Variants in GSR observed in about 807,000 individuals in gnomAD.
GSR encodes glutathione reductase, mitochondrial.
Under a neutral mutation model 56.5 loss-of-function variants are expected in GSR, and 48 were observed. That is an observed-to-expected ratio of 0.85 (90% CI 0.67 to 1.08). The LOEUF is 1.08. Among genes scored for constraint, GSR ranks in the 50% least tolerant of loss-of-function variants. The pLI is 0.00. For missense variants in GSR, 694 were observed against 703.3 expected (o/e 0.99, Z 0.15); for synonymous variants, 264 against 270.8 (o/e 0.97, Z 0.25).
intron 4 of GSR, chr8:30,704,887 C>T (rs946966545): frequency 5.3e-5 from 8 of 152,006 alleles, no homozygotes; most frequent in African/African-American, 1.4e-4. Context: ...GAGTATGGCT[C>T]GCGTGGCGAT....
At chr8:30,710,714 C>CAAAAAAAAAAAGAAA (rs1804101909) in intron 2 of GSR, among the ~76,000 whole-genome samples, 1 of 51,044 alleles carries the variant, frequency 2.0e-5, no homozygotes, top group African/African-American at 6.6e-5. Context: ...GACTCTGTCT[C>CAAAAAAAAAAAGAAA]AAAAAAAAAA....
At chr8:30,704,839 A>C (rs964364785) in intron 4 of GSR, 2 of 152,194 alleles carry the variant, frequency 1.3e-5, no homozygotes, top group Non-Finnish European at 2.9e-5. Context: ...CCATTCCCTC[A>C]GGTCTTAATG....
intron 10 of GSR, among the ~76,000 whole-genome samples, chr8:30,683,264 T>G (rs1181887618): frequency 6.6e-6 from 1 of 152,182 alleles, no homozygotes; most frequent in African/African-American, 2.4e-5. Context: ...GCAAGAACTT[T>G]CTAAAGGAGC....
At position 30,693,019 on chromosome 8, in the gene GSR, A is replaced by G; in HGVS notation, c.832T>C (p.Cys278Arg). 6.2e-7 allele frequency: 1 copy of G among 1,612,874 alleles called. No individual in the cohort carries two copies. Among genetic ancestry groups the G allele is most frequent in the Non-Finnish European group, 8.5e-7 (1 of 1,179,072 alleles). ...CCAGCGTTCTCCAGCTCCTCCGTGCAGTTGGTGCTGATCATTGAATCAAAA... is the reference window on the plus strand; with the variant it reads ...CCAGCGTTCTCCAGCTCCTCCGTGCGGTTGGTGCTGATCATTGAATCAAAA... ...RSFDSMISTN[C>R]TEELENAGVE... Residue 278 changes from cysteine (C) to arginine (R), a missense_variant, in exon 8 of 13, where the codon TGC (cysteine) becomes CGC (arginine). Physicochemically the swap from Cys to Arg is radical, Grantham distance 180. Transcript: ENST00000221130.
intron 2 of GSR, among the ~76,000 whole-genome samples, chr8:30,711,800 T>C (rs1336986912): frequency 6.6e-6 from 1 of 151,942 alleles, no homozygotes; most frequent in African/African-American, 2.4e-5. Flanking sequence ...GCCACTGTAC[T>C]CTAGCCTGGG....
chr8:30,678,900 A>C lies in GSR; in HGVS notation c.*620T>G, dbSNP rs1802837805. On this transcript the variant is annotated 3_prime_UTR_variant, in exon 13 of 13. Transcript: ENST00000221130. ...CACAGTGGCTCACGCCTGTAATCTC[A>C]GCACCTCAGGAGGCCGAGGTGGGCG... 6.5e-6 allele frequency: 1 copy of C among 153,168 alleles called. No individual in the cohort carries two copies. Among genetic ancestry groups the C allele is most frequent in the Admixed American group, 6.5e-5 (1 of 15,382 alleles). The allele number at this position is 153,168 out of a possible 1,614,324, so 9.5% of individuals were successfully genotyped here.
chr8:30,726,530 G>A (rs1371593751), intron 1 of GSR, among the ~76,000 whole-genome samples: 15 of 152,090 alleles, frequency 9.9e-5, no homozygotes, highest in Non-Finnish European at 1.5e-5. Context: ...AGGCTGAGGC[G>A]GGAAGATCGG....
At chr8:30,681,140 G>T in intron 11 of GSR, 103 bp from the exon 12 acceptor site, 1 of 955,074 alleles carries the variant, frequency 1.0e-6, no homozygotes, top group Non-Finnish European at 1.7e-6. Context: ...ATCAAACCAC[G>T]AGGAAATATC....
Position 30,709,906 on chromosome 8 carries a change from T to TAAAAAAAAAAAAAAAAAAAAAA in GSR, c.334-5_334-4insTTTTTTTTTTTTTTTTTTTTTT. 1.0e-6 allele frequency: 1 copy of TAAAAAAAAAAAAAAAAAAAAAA among 999,714 alleles called. No individual in the cohort carries two copies. Among genetic ancestry groups the TAAAAAAAAAAAAAAAAAAAAAA allele is most frequent in the Non-Finnish European group, 1.4e-6 (1 of 708,876 alleles). 61.9% of individuals were successfully genotyped at this position (999,714 alleles called of 1,614,324 possible). A position where few individuals can be genotyped will look rare whatever the true frequency, so the allele number is the denominator to read the frequency against. Reference sequence around the variant, plus strand: ...GGACAGCTGTGTTCCACATTACCTGTAAAAAAAAAAAAAAAAAAGGATCCA... The same window carrying TAAAAAAAAAAAAAAAAAAAAAA: ...GGACAGCTGTGTTCCACATTACCTGTAAAAAAAAAAAAAAAAAAAAAAAAAAAAAAAAAAAAAAAAGGATCCA... On this transcript the variant is annotated splice_region_variant and splice_polypyrimidine_tract_variant and intron_variant, in intron 2 of 12. Transcript: ENST00000221130.
At chr8:30,700,015 C>T (rs1403530150) in intron 6 of GSR, 66 bp downstream of exon 6, 12 of 1,151,026 alleles carry the variant, frequency 1.0e-5, no homozygotes, top group Admixed American at 6.7e-5. Context: ...GAGGAGAAGA[C>T]GAAGAAAAGT....
intron 11 of GSR, among the ~76,000 whole-genome samples, 174 bp downstream of exon 11, chr8:30,681,756 A>G (rs1184803109): frequency 7.9e-5 from 12 of 152,172 alleles, no homozygotes; most frequent in Admixed American, 6.6e-4. Flanking sequence ...AAGATACTGT[A>G]CACTCAAAGT....
At chr8:30,690,115 A>C (rs1357052506) in intron 8 of GSR, among the ~76,000 whole-genome samples, 1 of 143,894 alleles carries the variant, frequency 6.9e-6, no homozygotes, top group Non-Finnish European at 1.5e-5. Context: ...TACATATATA[A>C]ATCTATTTAT....
At chr8:30,704,303 C>T (rs979908246) in intron 4 of GSR, among the ~76,000 whole-genome samples, 2 of 151,892 alleles carry the variant, frequency 1.3e-5, no homozygotes, top group African/African-American at 2.4e-5. Flanking sequence ...CCATCCTGGG[C>T]GACAGAGACA....
intron 7 of GSR, among the ~76,000 whole-genome samples, chr8:30,693,861 G>GA (rs1159044944): frequency 6.6e-6 from 1 of 152,012 alleles, no homozygotes; most frequent in Non-Finnish European, 1.5e-5. Context: ...TTAACACTGG[G>GA]AAAAAAAGGG....
At chr8:30,700,013 G>C in intron 6 of GSR, 68 bp downstream of exon 6, 1 of 1,110,672 alleles carries the variant, frequency 9.0e-7, no homozygotes, top group African/African-American at 1.5e-5. Context: ...GGGAGGAGAA[G>C]ACGAAGAAAA....
chr8:30,705,163 T>C (rs1803880132), intron 4 of GSR, among the ~76,000 whole-genome samples: 1 of 151,480 alleles, frequency 6.6e-6, no homozygotes, highest in Non-Finnish European at 1.5e-5. Flanking sequence ...CAGTGGTTTA[T>C]GCCTATAATT....
chr8:30,680,253 G>C (rs1215655888), intron 12 of GSR, among the ~76,000 whole-genome samples: 1 of 152,026 alleles, frequency 6.6e-6, no homozygotes, highest in African/African-American at 2.4e-5. Flanking sequence ...ATTTTTAGTA[G>C]AGATGGGGTT....
rs74518074 is a variant in GSR, at chr8:30,709,906, TAA to T, written c.334-6_334-5del. 42,925 of 941,068 alleles carry T rather than the reference TAA, an allele frequency of 0.046. No homozygotes were observed. The highest frequency in any genetic ancestry group is 0.05 in the Admixed American group (1,649 of 33,026). 58.3% of individuals were successfully genotyped at this position (941,068 alleles called of 1,614,324 possible). A position where few individuals can be genotyped will look rare whatever the true frequency, so the allele number is the denominator to read the frequency against. ...GGACAGCTGTGTTCCACATTACCTG[TAA>T]AAAAAAAAAAAAAAAAGGATCCAAA... On this transcript the variant is annotated splice_region_variant and splice_polypyrimidine_tract_variant and intron_variant, in intron 2 of 12. Coordinates refer to ENST00000221130, the MANE Select transcript of GSR (RefSeq NM_000637.5).
At chr8:30,723,292 T>A (rs1002012802) in intron 1 of GSR, among the ~76,000 whole-genome samples, 2 of 152,126 alleles carry the variant, frequency 1.3e-5, no homozygotes, top group Non-Finnish European at 2.9e-5. Context: ...CTACACGAGA[T>A]CATGAGATAA....
Sources: gnomAD v4.1 joint callset for allele counts (sites outside exome capture counted in the v4.1 genomes callset) on GRCh38, gnomAD v4.1.1 for gene constraint, MANE v1.5 for transcripts, NCBI Gene and HGNC (gene_info 2026-07-23, HGNC 2026-07-21) for gene names.